Variants in PLA2G5 observed in about 807,000 individuals in gnomAD.
The protein encoded by PLA2G5 is phospholipase A2 group V.
A neutral mutation model predicts 15.9 loss-of-function variants in PLA2G5; 12 were observed. The observed-to-expected ratio is 0.76, with a 90% CI of 0.48 to 1.23. The LOEUF (loss-of-function observed/expected upper bound fraction) is 1.23. Among genes scored for constraint, PLA2G5 ranks in the 50% most tolerant of loss-of-function variants. PLA2G5 has a pLI of 0.00. For synonymous variants in PLA2G5, 71 were observed against 71.4 expected, an observed-to-expected ratio of 0.99 and a Z score of 0.03; for missense variants, 169 against 177.1, an observed-to-expected ratio of 0.95 and a Z score of 0.26.
chr1:20,090,293 T>G (rs1252445610), intron 4 of PLA2G5, among the ~76,000 whole-genome samples: 2 of 152,168 alleles, frequency 1.3e-5, no homozygotes, highest in Non-Finnish European at 2.9e-5. Flanking sequence ...GAGCAGCGGC[T>G]GCCTCCACCA....
rs562049275 is a variant in PLA2G5, at chr1:20,030,557, G to A, written n.276+1848G>A. 1.7e-4 allele frequency among the ~76,000 whole-genome samples: 26 copies of A among 151,978 alleles called. No homozygotes were observed. In the South Asian group the frequency reaches 5.4e-3, roughly 32 times the overall value. ...TTCCTCTTATCTCAATTGCAAAGAG[G>A]CCTTCCTCTTTCACTAATCCTCCTC... On this transcript the variant is annotated intron_variant and non_coding_transcript_variant, in intron 1 of 6. Transcript: ENST00000460175.
chr1:20,082,193 G>A (rs1196255481), intron 1 of PLA2G5, among the ~76,000 whole-genome samples: 3 of 151,962 alleles, frequency 2.0e-5, no homozygotes, highest in African/African-American at 7.3e-5. Flanking sequence ...CGACTTGAGA[G>A]ATTCAGGGGT....
upstream of PLA2G5, among the ~76,000 whole-genome samples, chr1:20,065,262 A>G (rs907167581): frequency 6.6e-6 from 1 of 152,212 alleles, no homozygotes; most frequent in African/African-American, 2.4e-5. Context: ...TTGACTCAAT[A>G]TTGATATATT....
intron 1 of PLA2G5, among the ~76,000 whole-genome samples, chr1:20,031,873 G>A (rs1057006246): frequency 6.6e-6 from 1 of 152,134 alleles, no homozygotes; most frequent in Non-Finnish European, 1.5e-5. Flanking sequence ...AGGGAGGTGT[G>A]TTTTGATGAT....
chr1:20,060,369 T>G (rs563953799), intron 2 of PLA2G5, among the ~76,000 whole-genome samples: 36 of 146,366 alleles, frequency 2.5e-4, no homozygotes, highest in South Asian at 1.6e-3. Context: ...TTCTCCTGCC[T>G]CAGCCTCCCA....
intron 1 of PLA2G5, among the ~76,000 whole-genome samples, chr1:20,046,837 AGTT>A (rs1223082448): frequency 6.6e-6 from 1 of 152,170 alleles, no homozygotes; most frequent in Admixed American, 6.5e-5. Context: ...TCTCCTAGGA[AGTT>A]GTTGTTTAAG....
At chr1:20,061,586 CAAAAAAAA>C (rs35346493) in intron 2 of PLA2G5, among the ~76,000 whole-genome samples, 22 of 67,758 alleles carry the variant, frequency 3.2e-4, no homozygotes, top group African/African-American at 1.3e-3. Context: ...ACCCTGTCTC[CAAAAAAAA>C]AAAAAAAAAA....
At chr1:20,035,277 G>T (rs1161611267) in intron 1 of PLA2G5, among the ~76,000 whole-genome samples, 2 of 152,284 alleles carry the variant, frequency 1.3e-5, no homozygotes, top group Non-Finnish European at 1.5e-5. Flanking sequence ...CAATTGATAG[G>T]CCTGGGTGGG....
chr1:20,035,791 ATT>A (rs1237772679), intron 1 of PLA2G5, among the ~76,000 whole-genome samples: 1 of 151,774 alleles, frequency 6.6e-6, no homozygotes, highest in Non-Finnish European at 1.5e-5. Context: ...CCTTGTTTTT[ATT>A]TTGTTTTTTT....
rs557070549 is a variant in PLA2G5, at chr1:20,083,743, G to A, written c.-10-1078G>A. Among the ~76,000 whole-genome samples the A allele has an allele frequency of 1.5e-3, 223 of 151,952 alleles. 7 individuals carry two copies. Among genetic ancestry groups the A allele is most frequent in the African/African-American group, 5.1e-3 (210 of 41,236 alleles). ...TGCCTCTGGGAAGGGAGGCTGCGTG[G>A]TGCAGTGAGGGGTGCAGAAGGACGC... On this transcript the variant is annotated intron_variant, in intron 1 of 4. Coordinates refer to ENST00000375108, the MANE Select transcript of PLA2G5 (RefSeq NM_000929.3).
At chr1:20,055,023 G>C (rs2014367301) in intron 1 of PLA2G5, among the ~76,000 whole-genome samples, 1 of 152,044 alleles carries the variant, frequency 6.6e-6, no homozygotes. Context: ...ATTTTTCCAA[G>C]TCATTGCTGA....
Position 20,086,231 on chromosome 1 carries a change from A to G in PLA2G5, c.185+4A>G. On this transcript the variant is annotated splice_donor_region_variant and intron_variant, in intron 3 of 4. Transcript: ENST00000375108. Reference sequence around the variant, plus strand: ...CCCCCAAGGATGGCACCGATTGGTGAGCTGATCGCTATAACTGCCCTTTAG... The same window carrying G: ...CCCCCAAGGATGGCACCGATTGGTGGGCTGATCGCTATAACTGCCCTTTAG... 1 of 1,614,044 alleles carries G rather than the reference A, an allele frequency of 6.2e-7. No homozygotes were observed.
intron 1 of PLA2G5, among the ~76,000 whole-genome samples, chr1:20,030,332 A>G (rs1557719408): frequency 2.0e-5 from 3 of 151,764 alleles, no homozygotes; most frequent in Admixed American, 6.6e-5. Context: ...TAAGGAAAGG[A>G]GCTGTGCCTT....
At chr1:20,071,064 G>A (rs2015345652) in intron 1 of PLA2G5, 1 of 152,294 alleles carries the variant, frequency 6.6e-6, no homozygotes, top group African/African-American at 2.4e-5. Flanking sequence ...GGCCTCAGGA[G>A]TCAAATGGAT....
In PLA2G5 at chr1:20,034,597, C is replaced by T. The variant is rs75707975; in HGVS notation, n.276+5888C>T. Among the ~76,000 whole-genome samples, 3,166 of 152,086 alleles carry T rather than the reference C, an allele frequency of 0.021. 255 individuals carry two copies. The East Asian group carries it at 0.25, about 12-fold the overall frequency. ...GAGAACTTGAGCTTGTAAAAGTTTA[C>T]AGATAGTAGGTTTGAGGCCCCTGAG... On this transcript the variant is annotated intron_variant and non_coding_transcript_variant, in intron 1 of 6. Coordinates refer to the PLA2G5 transcript ENST00000460175.
At chr1:20,076,092 C>T (rs2015658318) in intron 1 of PLA2G5, among the ~76,000 whole-genome samples, 2 of 152,044 alleles carry the variant, frequency 1.3e-5, no homozygotes, top group South Asian at 2.1e-4. Context: ...AGGCTGGTCT[C>T]GAACTCCTGA....
At chr1:20,049,575 C>G (rs2014082089) in intron 1 of PLA2G5, among the ~76,000 whole-genome samples, 1 of 152,154 alleles carries the variant, frequency 6.6e-6, no homozygotes, top group East Asian at 1.9e-4. Flanking sequence ...CCTTGCTGTT[C>G]TCATGATAGT....
At chr1:20,069,932 A>G (rs1039338278), upstream of PLA2G5, among the ~76,000 whole-genome samples, 1 of 151,958 alleles carries the variant, frequency 6.6e-6, no homozygotes, top group Admixed American at 6.6e-5. Flanking sequence ...GCCAAGACTG[A>G]TGAGCCCCCA....
rs895922712 is a variant in PLA2G5 at position 20,091,768 on chromosome 1, AG to A, written c.*1078del. ...GAAGAAAGGATGTATTCCAAAACAA[AG>A]GAACATCCTTCCAAGAAAGGACCTA... On this transcript the variant is annotated 3_prime_UTR_variant, in exon 5 of 5. Coordinates refer to ENST00000375108, the MANE Select transcript of PLA2G5 (RefSeq NM_000929.3). Among the ~76,000 whole-genome samples the A allele has an allele frequency of 6.6e-6, 1 of 152,238 alleles. No individual in the cohort carries two copies. The highest frequency in any genetic ancestry group is 2.4e-5 in the African/African-American group (1 of 41,466).
Sources: allele counts gnomAD v4.1 joint callset (sites outside exome capture counted in the v4.1 genomes callset), GRCh38; gene constraint gnomAD v4.1.1; transcripts MANE v1.5; gene names NCBI Gene and HGNC (gene_info 2026-07-23, HGNC 2026-07-21).